Variants in NF1 observed in about 807,000 individuals in gnomAD.
NF1 encodes neurofibromin.
NF1 carries 122 observed loss-of-function variants against 325.7 expected under a neutral mutation model. The ratio of observed to expected loss-of-function variants is 0.37; its 90% CI spans 0.32 to 0.44. The LOEUF is 0.44. Ranked by LOEUF, NF1 falls within the 20% of genes least tolerant of loss-of-function variation. NF1 has a pLI of 1.00. For synonymous variants in NF1, 1,091 were observed against 1,186.0 expected (o/e 0.92, Z 1.65); for missense variants, 2,140 against 3,415.4 (o/e 0.63, Z 9.31).
intron 57 of NF1, among the ~76,000 whole-genome samples, chr17:31,366,020 C>T (rs962500973): frequency 6.6e-6 from 1 of 151,436 alleles, no homozygotes; most frequent in South Asian, 2.1e-4. Flanking sequence ...CTGCAACCTC[C>T]GCCTCCCAGG....
Position 31,235,760 on chromosome 17 carries a change from A to ATTC in NF1, c.3860_3862dup (p.Phe1287dup). ...ACAGCTTGGCCAGTAAAATAATGAC[A>ATTC]TTCTGTTTCAAGGTTTGTATCATTC... On this transcript the variant is annotated inframe_insertion, in exon 28 of 58. Coordinates refer to ENST00000358273, the MANE Select transcript of NF1 (RefSeq NM_001042492.3). The ATTC allele has an allele frequency of 6.2e-7, 1 of 1,614,120 alleles. No homozygotes were observed. Among genetic ancestry groups the ATTC allele is most frequent in the Non-Finnish European group, 8.5e-7 (1 of 1,180,014 alleles).
intron 39 of NF1, chr17:31,331,233 A>C (rs1365861307): frequency 6.6e-6 from 1 of 152,162 alleles, no homozygotes; most frequent in African/African-American, 2.4e-5. Flanking sequence ...TATAACCCTA[A>C]CAAAAAAATG....
intron 1 of NF1, among the ~76,000 whole-genome samples, chr17:31,107,694 A>G (rs1016329896): frequency 6.6e-6 from 1 of 152,170 alleles, no homozygotes; most frequent in Non-Finnish European, 1.5e-5. Flanking sequence ...TCATTCTTCA[A>G]CCATTTCTCA....
rs2067073755 is a variant in NF1 at position 31,229,411 on chromosome 17, G to T, written c.2796G>T (p.Met932Ile). The T allele has an allele frequency of 6.2e-7, 1 of 1,613,730 alleles. No homozygotes were observed. The highest frequency in any genetic ancestry group is 8.5e-7 in the Non-Finnish European group (1 of 1,179,808). Residue 932 changes from methionine to isoleucine, a missense_variant, in exon 21 of 58, where the codon ATG becomes ATT. Physicochemically the swap from Met to Ile is conservative, Grantham distance 10. Transcript: ENST00000358273. ...AATTGAGTCCTGCTCTGTATCCAAT[G>T]CTATTTAACAAATTGAAGAATACCA... ...GLELSPALYP[M>I]LFNKLKNTIS...
chr17:31,340,694 C>T (rs2151562253), intron 47 of NF1, 49 bp downstream of exon 47: 2 of 1,577,340 alleles, frequency 1.3e-6, no homozygotes, highest in Admixed American at 1.7e-5. Context: ...ATTTAGTACT[C>T]TTCCATCTTT....
chr17:31,342,067 G>T (rs1363169186), intron 47 of NF1, among the ~76,000 whole-genome samples: 1 of 151,998 alleles, frequency 6.6e-6, no homozygotes, highest in Non-Finnish European at 1.5e-5. Context: ...AACAGATATG[G>T]GTCTGAAAAA....
chr17:31,211,370 A>C (rs2066726127), intron 12 of NF1, among the ~76,000 whole-genome samples: 1 of 152,258 alleles, frequency 6.6e-6, no homozygotes, highest in Non-Finnish European at 1.5e-5. Context: ...AATTTATTGG[A>C]ATTTCTGAAG....
At chr17:31,100,316 G>C (rs1307194306) in intron 1 of NF1, among the ~76,000 whole-genome samples, 1 of 152,120 alleles carries the variant, frequency 6.6e-6, no homozygotes, top group Non-Finnish European at 1.5e-5. Context: ...TAGACAAATA[G>C]ATTTGCAAAA....
chr17:31,218,166 C>T (rs1226042419), intron 13 of NF1, among the ~76,000 whole-genome samples: 1 of 152,086 alleles, frequency 6.6e-6, no homozygotes, highest in Non-Finnish European at 1.5e-5. Context: ...ACATGTATGT[C>T]CTTTACCTTT....
chr17:31,130,369 C>T lies in NF1; in HGVS notation c.61-25614C>T, dbSNP rs140244703. ...GTAGGGGGTGGCAGTGGAATCAATT[C>T]TTGTTCGCATGTGCCAGTAGCAGTG... is the stretch of plus-strand genomic sequence containing the variant. On this transcript the variant is annotated intron_variant, in intron 1 of 57. Coordinates refer to ENST00000358273, the MANE Select transcript of NF1 (RefSeq NM_001042492.3). 9.9e-3 allele frequency among the ~76,000 whole-genome samples: 1,509 copies of T among 152,284 alleles called. 25 individuals carry two copies. Among genetic ancestry groups the T allele is most frequent in the Middle Eastern group, 0.044 (13 of 294 alleles).
At chr17:31,338,231 G>A (rs780250838) in intron 45 of NF1, 92 bp downstream of exon 45, 6 of 917,648 alleles carry the variant, frequency 6.5e-6, no homozygotes, top group Non-Finnish European at 9.1e-6. Context: ...TTAAATTTGA[G>A]GTCAATGAAA....
intron 37 of NF1, among the ~76,000 whole-genome samples, chr17:31,327,105 A>T (rs2069364135): frequency 6.6e-6 from 1 of 151,520 alleles, no homozygotes; most frequent in Non-Finnish European, 1.5e-5. Flanking sequence ...AGTAGCTGGG[A>T]TTATAGGCGC....
At position 31,258,432 on chromosome 17, in the gene NF1, C is replaced by G. The variant is rs753997885; in HGVS notation, c.4262C>G (p.Pro1421Arg). ...TTTATCAATCCTGCCATTGTCTCAC[C>G]GTATGAAGCAGGGATTTTAGATAAA... ...LRFINPAIVSPYEAGILDKKP... is the reference protein window; with the variant it reads ...LRFINPAIVSRYEAGILDKKP... The change falls in exon 32 of 58, where the codon CCG becomes CGG. Residue 1421 changes from proline to arginine, a missense_variant. Transcript: ENST00000358273. The G allele has an allele frequency of 6.2e-7, 1 of 1,613,754 alleles. No homozygotes were observed. Among genetic ancestry groups the G allele is most frequent in the Non-Finnish European group, 8.5e-7 (1 of 1,179,854 alleles).
At chr17:31,098,676 G>GT (rs1369711641) in intron 1 of NF1, among the ~76,000 whole-genome samples, 1 of 152,192 alleles carries the variant, frequency 6.6e-6, no homozygotes, top group African/African-American at 2.4e-5. Flanking sequence ...GCTCACGCCT[G>GT]TGATCCCAGC....
intron 36 of NF1, chr17:31,294,758 C>A (rs925177065): frequency 2.3e-5 from 12 of 532,266 alleles, no homozygotes; most frequent in Admixed American, 3.2e-5. Flanking sequence ...AGCCTTAAAA[C>A]ATTTCATTTT....
At chr17:31,249,985 A>C (rs757565347) in intron 30 of NF1, 2 of 493,588 alleles carry the variant, frequency 4.1e-6, no homozygotes, top group Non-Finnish European at 8.0e-6. Flanking sequence ...TTTTTAGCAC[A>C]CGGCTTCAGT....
At chr17:31,275,916 G>A (rs1359739939) in intron 36 of NF1, among the ~76,000 whole-genome samples, 3 of 151,856 alleles carry the variant, frequency 2.0e-5, no homozygotes, top group Admixed American at 2.0e-4. Context: ...TAGGACACAG[G>A]GCCAGTTATA....
At chr17:31,112,832 T>C (rs1192758367) in intron 1 of NF1, among the ~76,000 whole-genome samples, 2 of 152,204 alleles carry the variant, frequency 1.3e-5, no homozygotes, top group Admixed American at 6.5e-5. Context: ...TTTTCTAATA[T>C]AAGGTCACAA....
intron 5 of NF1, among the ~76,000 whole-genome samples, chr17:31,172,804 C>T (rs147016032): frequency 3.9e-5 from 6 of 152,208 alleles, no homozygotes; most frequent in African/African-American, 1.4e-4. Context: ...TAGAGAATAC[C>T]TTAATCAGTA....
Sources: gnomAD v4.1 joint callset for allele counts (sites outside exome capture counted in the v4.1 genomes callset) on GRCh38, gnomAD v4.1.1 for gene constraint, MANE v1.5 for transcripts, NCBI Gene and HGNC (gene_info 2026-07-23, HGNC 2026-07-21) for gene names.